TNNI1: variants seen among roughly 807,000 people sequenced by gnomAD.
TNNI1 encodes troponin I1, slow skeletal type.
Under a neutral mutation model 26.7 loss-of-function variants are expected in TNNI1, and 14 were observed. The observed-to-expected ratio is 0.52, with a 90% CI of 0.35 to 0.82. The LOEUF (loss-of-function observed/expected upper bound fraction) is 0.82, where lower values mean the gene tolerates loss of function less well. Among genes scored for constraint, TNNI1 ranks in the 40% least tolerant of loss-of-function variants. TNNI1 has a pLI of 0.01. For synonymous variants in TNNI1, 79 were observed against 98.2 expected, an observed-to-expected ratio of 0.80 and a Z score of 1.16; for missense variants, 164 against 257.0, an observed-to-expected ratio of 0.64 and a Z score of 2.47.
intron 3 of TNNI1, among the ~76,000 whole-genome samples, chr1:201,416,461 T>C (rs1662741679): frequency 6.6e-6 from 1 of 152,228 alleles, no homozygotes; most frequent in Non-Finnish European, 1.5e-5. Context: ...GTTCAATTCT[T>C]ACTGAGAATC....
At chr1:201,418,290 C>G (rs985235704) in intron 1 of TNNI1, among the ~76,000 whole-genome samples, 1 of 151,702 alleles carries the variant, frequency 6.6e-6, no homozygotes, top group Non-Finnish European at 1.5e-5. Context: ...CCAATATGGT[C>G]AAACCCCGTC....
chr1:201,417,228 A>T, intron 2 of TNNI1, 109 bp from the exon 3 acceptor site: 1 of 1,454,188 alleles, frequency 6.9e-7, no homozygotes, highest in Non-Finnish European at 9.7e-7. Context: ...AGCTTGGGGG[A>T]GGAGGGGGCC....
At position 201,410,213 on chromosome 1, in the gene TNNI1, T is replaced by C. The variant is rs1662607018; in HGVS notation, c.*2+113A>G. ...ACTCAAATCAGTCTCATCGGTGCCT[T>C]AGTCCGTGCATCCGTGCACCACACT... On this transcript the variant is annotated intron_variant, in intron 8 of 8. Coordinates refer to ENST00000361379, the MANE Select transcript of TNNI1 (RefSeq NM_003281.4). The C allele has an allele frequency of 3.5e-6, 3 of 859,874 alleles. No individual in the cohort carries two copies. The African/African-American group carries it at 5.0e-5, about 14-fold the overall frequency. 53.3% of individuals were successfully genotyped at this position (859,874 alleles called of 1,614,324 possible). A position where few individuals can be genotyped will look rare whatever the true frequency, so the allele number is the denominator to read the frequency against.
rs934269612 is a variant in TNNI1 at position 201,408,699 on chromosome 1, G to A, written c.*554C>T. Reference sequence around the variant, plus strand: ...TGACGTCACAGGGACTGGGCAGAAGGGGCCCCAGGGGACCCTGGCAAGCAG... The same window carrying A: ...TGACGTCACAGGGACTGGGCAGAAGAGGCCCCAGGGGACCCTGGCAAGCAG... On this transcript the variant is annotated 3_prime_UTR_variant, in exon 9 of 9. Transcript: ENST00000361379. 46 of 152,506 alleles carry A rather than the reference G, an allele frequency of 3.0e-4. No homozygotes were observed. The highest frequency in any genetic ancestry group is 9.9e-4 in the African/African-American group (41 of 41,496). The allele number at this position is 152,506 out of a possible 1,614,324, so 9.4% of individuals were successfully genotyped here. A position where few individuals can be genotyped will look rare whatever the true frequency, so the allele number is the denominator to read the frequency against.
intron 2 of TNNI1, 145 bp downstream of exon 2, chr1:201,417,638 C>T: frequency 1.6e-6 from 1 of 607,514 alleles, no homozygotes; most frequent in Non-Finnish European, 2.5e-6. Flanking sequence ...CAGGGGAAAC[C>T]ATCAAGTGCT....
Position 201,405,128 on chromosome 1 carries a change from G to T in TNNI1, c.*4125C>A, listed in dbSNP as rs933374128. On this transcript the variant is annotated 3_prime_UTR_variant, in exon 9 of 9. Transcript: ENST00000361379. ...GTTTGCCTCTGGCCAGGAGACCAAA[G>T]CCCTGTCCACATCCAATTTCCTCAG... The T allele has an allele frequency of 5.3e-5, 8 of 152,300 alleles. No individual in the cohort carries two copies. The highest frequency in any genetic ancestry group is 1.9e-4 in the African/African-American group (8 of 41,464). 9.4% of individuals were successfully genotyped at this position (152,300 alleles called of 1,614,324 possible).
rs756093336 is a variant in TNNI1, at chr1:201,413,068, G to A, written c.243C>T (p.Tyr81=). The A allele has an allele frequency of 4.0e-5, 65 of 1,613,980 alleles. No individual in the cohort carries two copies. Among genetic ancestry groups the A allele is most frequent in the Admixed American group, 5.0e-5 (3 of 60,010 alleles). ...AKVEVVDEER[Y]DIEAKCLHNT... The stretch of plus-strand genomic sequence containing the variant: ...TGTGGAGGCATTTGGCCTCAATGTC[G>A]TATCGCTCCTCATCCACCACCTCCA... Residue 81 remains tyrosine, a synonymous_variant, in exon 6 of 9, where the codon TAC becomes TAT. Transcript: ENST00000361379.
intron 3 of TNNI1, among the ~76,000 whole-genome samples, chr1:201,416,027 C>T (rs1420736310): frequency 1.3e-5 from 2 of 152,058 alleles, no homozygotes; most frequent in Non-Finnish European, 2.9e-5. Context: ...AGCATCCTAC[C>T]TAGACTTAAT....
intron 1 of TNNI1, among the ~76,000 whole-genome samples, chr1:201,419,805 G>T (rs1571739991): frequency 6.6e-6 from 1 of 152,340 alleles, no homozygotes; most frequent in African/African-American, 2.4e-5. Context: ...GGAGGTGGAG[G>T]TGTAGTGTGA....
In TNNI1 at chr1:201,417,788, C is replaced by A; in HGVS notation, c.6G>T (p.Pro2=). ...ATGGCAGTGAGACTACTTACACTTC[C>A]GGCATGGTGGCAGTGAGACAGCACC... M[P]EVERKPKITA... is the part of the protein sequence containing the mutation. Residue 2 remains proline, a synonymous_variant, in exon 2 of 9, where the codon CCG becomes CCT. Transcript: ENST00000361379. The A allele has an allele frequency of 1.5e-6, 2 of 1,313,314 alleles. No homozygotes were observed. The highest frequency in any genetic ancestry group is 2.0e-6 in the Non-Finnish European group (2 of 1,022,006). 81.4% of individuals were successfully genotyped at this position (1,313,314 alleles called of 1,614,324 possible). A position where few individuals can be genotyped will look rare whatever the true frequency, so the allele number is the denominator to read the frequency against.
chr1:201,411,580 C>T lies in TNNI1; in HGVS notation c.280-47G>A. 6.7e-7 allele frequency: 1 copy of T among 1,497,822 alleles called. No individual in the cohort carries two copies. The highest frequency in any genetic ancestry group is 8.9e-7 in the Non-Finnish European group (1 of 1,126,212). 92.8% of individuals were successfully genotyped at this position (1,497,822 alleles called of 1,614,324 possible). On this transcript the variant is annotated intron_variant, in intron 6 of 8. Coordinates refer to ENST00000361379, the MANE Select transcript of TNNI1 (RefSeq NM_003281.4). The surrounding 1 kb of genome is among the most constrained non-coding windows in gnomAD (Gnocchi z 4.6). ...GGCTCACTGGAGAGGCAGCTAGCCA[C>T]AGGACACCCTTCCTGAGGACCTCAG...
chr1:201,417,909 A>G (rs1662780766), intron 1 of TNNI1, 97 bp from the exon 2 acceptor site: 3 of 911,468 alleles, frequency 3.3e-6, no homozygotes, highest in Admixed American at 3.8e-5. Context: ...CAGAGTCAGA[A>G]CACAAAAGGA....
At position 201,411,636 on chromosome 1, in the gene TNNI1, T is replaced by A; in HGVS notation, c.280-103A>T. 1 of 1,231,782 alleles carries A rather than the reference T, an allele frequency of 8.1e-7. No individual in the cohort carries two copies. Among genetic ancestry groups the A allele is most frequent in the Non-Finnish European group, 1.1e-6 (1 of 925,196 alleles). The allele number at this position is 1,231,782 out of a possible 1,614,324, so 76.3% of individuals were successfully genotyped here. ...TAGGGTTCCAGCCAGAGATACACCT[T>A]AAATTGTCCACCCTTGAAGCCAGAC... On this transcript the variant is annotated intron_variant, in intron 6 of 8. Transcript: ENST00000361379. The surrounding 1 kb of genome is among the most constrained non-coding windows in gnomAD (Gnocchi z 4.6).
chr1:201,417,615 G>T, intron 2 of TNNI1, 168 bp downstream of exon 2: 1 of 517,914 alleles, frequency 1.9e-6, no homozygotes, highest in South Asian at 9.8e-5. Context: ...TGGCTGGGAG[G>T]ACACAGGCAG....
intron 2 of TNNI1, 31 bp downstream of exon 2, chr1:201,417,752 T>C: frequency 7.6e-7 from 1 of 1,313,696 alleles, no homozygotes; most frequent in Non-Finnish European, 9.8e-7. Context: ...CTTGCCTTCC[T>C]GGGGCCCCAG....
At chr1:201,417,061 A>C in intron 3 of TNNI1, 55 bp downstream of exon 3, 1 of 1,612,324 alleles carries the variant, frequency 6.2e-7, no homozygotes, top group South Asian at 1.1e-5. Flanking sequence ...CCACCTTCCC[A>C]CTTTTACCAG....
intron 5 of TNNI1, 81 bp downstream of exon 5, chr1:201,414,437 A>T: frequency 7.7e-7 from 1 of 1,294,470 alleles, no homozygotes; most frequent in South Asian, 1.6e-5. Flanking sequence ...GTGTTAGTTC[A>T]GGCTCCTGCC....
At chr1:201,410,493 A>G in intron 7 of TNNI1, 58 bp from the exon 8 acceptor site, 2 of 1,454,872 alleles carry the variant, frequency 1.4e-6, no homozygotes, top group South Asian at 2.3e-5. Flanking sequence ...CCCCCAGCTC[A>G]AGAGAAGCTG....
intron 1 of TNNI1, among the ~76,000 whole-genome samples, chr1:201,418,467 C>CA (rs4019987): frequency 0.029 from 2,987 of 101,936 alleles, 58 homozygotes; most frequent in Middle Eastern, 0.078. Flanking sequence ...GTCTCCTTCT[C>CA]AAAAAAAAAA....
Sources: gnomAD v4.1 joint callset for allele counts (sites outside exome capture counted in the v4.1 genomes callset) on GRCh38, gnomAD v4.1.1 for gene constraint, Gnocchi (gnomAD v3.1) non-coding constraint, MANE v1.5 for transcripts, NCBI Gene and HGNC (gene_info 2026-07-23, HGNC 2026-07-21) for gene names.